CTDSPL: variants seen among roughly 807,000 people sequenced by gnomAD.
CTDSPL encodes the protein CTD small phosphatase-like protein.
In CTDSPL, 8 loss-of-function variants were observed where a neutral mutation model predicts 30.5. The observed-to-expected ratio is 0.26, with a 90% CI of 0.15 to 0.47. The LOEUF is 0.47. Ranked by LOEUF, CTDSPL falls within the 20% of genes least tolerant of loss-of-function variation. The pLI, the probability that CTDSPL is intolerant of heterozygous loss-of-function variation, is 0.99. For synonymous variants in CTDSPL, 110 were observed against 137.9 expected, an observed-to-expected ratio of 0.80 and a Z score of 1.42; for missense variants, 248 against 366.1, an observed-to-expected ratio of 0.68 and a Z score of 2.63.
chr3:37,890,194 G>A (rs1483780949), intron 1 of CTDSPL, among the ~76,000 whole-genome samples: 3 of 152,150 alleles, frequency 2.0e-5, no homozygotes, highest in Admixed American at 6.5e-5. Flanking sequence ...CAACGTATGC[G>A]CGCACACCCA....
intron 1 of CTDSPL, among the ~76,000 whole-genome samples, chr3:37,934,455 CATG>C (rs1280295916): frequency 6.6e-6 from 1 of 151,988 alleles, no homozygotes; most frequent in African/African-American, 2.4e-5. Flanking sequence ...CCATAATAAA[CATG>C]ATATAGATTG....
At position 37,947,065 on chromosome 3, in the gene CTDSPL, T is replaced by C. The variant is rs1260096581; in HGVS notation, c.88T>C (p.Cys30Arg). The C allele has an allele frequency of 1.1e-5, 17 of 1,613,372 alleles. No homozygotes were observed. Among genetic ancestry groups the C allele is most frequent in the Non-Finnish European group, 1.4e-5 (16 of 1,179,632 alleles). Residue 30 changes from cysteine to arginine, a missense_variant, in exon 2 of 8, where the codon TGC (cysteine) becomes CGC (arginine). Around this residue, in one of 4 missense-constraint regions of CTDSPL, gnomAD observed 118 missense variants for 124.7 expected, o/e 0.95. Coordinates refer to ENST00000273179, the MANE Select transcript of CTDSPL (RefSeq NM_001008392.2). Reference sequence around the variant, plus strand: ...TCTGTTTCTGTTTCCAGCCTCCCAGTGCAACGTCAGCTTAAAGAAGCAGAG... The same window carrying C: ...TCTGTTTCTGTTTCCAGCCTCCCAGCGCAACGTCAGCTTAAAGAAGCAGAG... ...LPGAGEKASQ[C>R]NVSLKKQRSR...
chr3:37,971,262 G>C (rs1191549889), intron 5 of CTDSPL, 145 bp from the exon 6 acceptor site: 3 of 692,760 alleles, frequency 4.3e-6, no homozygotes, highest in Non-Finnish European at 7.5e-6. Context: ...CCCTCATACA[G>C]TCTAGGCCTC....
chr3:37,884,267 A>C (rs1020043435), intron 1 of CTDSPL, among the ~76,000 whole-genome samples: 2 of 152,222 alleles, frequency 1.3e-5, no homozygotes, highest in Admixed American at 6.5e-5. Context: ...GGAAAAGTGC[A>C]AGGGACATAT....
chr3:37,868,015 A>G (rs1377362236), intron 1 of CTDSPL, among the ~76,000 whole-genome samples: 3 of 152,128 alleles, frequency 2.0e-5, no homozygotes. Flanking sequence ...GGTACATATG[A>G]TATTTTATAT....
At chr3:37,962,309 CAG>C (rs1049903126) in intron 3 of CTDSPL, among the ~76,000 whole-genome samples, 2 of 152,186 alleles carry the variant, frequency 1.3e-5, no homozygotes, top group African/African-American at 4.8e-5. Flanking sequence ...GCCAAGCTCT[CAG>C]GGAAGCTGTG....
chr3:37,924,204 T>C (rs1698754038), intron 1 of CTDSPL, among the ~76,000 whole-genome samples: 1 of 152,228 alleles, frequency 6.6e-6, no homozygotes, highest in Non-Finnish European at 1.5e-5. Context: ...TTATTCGGCC[T>C]AAAGAGAGAA....
At chr3:37,968,338 T>C (rs768254621) in intron 5 of CTDSPL, 2 of 419,072 alleles carry the variant, frequency 4.8e-6, no homozygotes, top group South Asian at 3.5e-5. Flanking sequence ...CTCCAGAGAA[T>C]CTTTAGCAAA....
chr3:37,934,325 C>CT (rs1369432379), intron 1 of CTDSPL, among the ~76,000 whole-genome samples: 1 of 149,240 alleles, frequency 6.7e-6, no homozygotes, highest in African/African-American at 2.5e-5. Flanking sequence ...GACCCTCTCT[C>CT]TTAAAAAAAA....
chr3:37,944,453 C>A (rs932073911), intron 1 of CTDSPL, among the ~76,000 whole-genome samples: 1 of 150,210 alleles, frequency 6.7e-6, no homozygotes, highest in African/African-American at 2.4e-5. Context: ...CAAGGACCTT[C>A]TGGATGATAG....
At chr3:37,974,297 T>A (rs944375373) in intron 6 of CTDSPL, among the ~76,000 whole-genome samples, 1 of 152,236 alleles carries the variant, frequency 6.6e-6, no homozygotes, top group Non-Finnish European at 1.5e-5. Flanking sequence ...CTACAGGATG[T>A]CCTTGGAGAG....
At chr3:37,900,738 G>C (rs997673048) in intron 1 of CTDSPL, among the ~76,000 whole-genome samples, 20 of 152,118 alleles carry the variant, frequency 1.3e-4, no homozygotes, top group Admixed American at 3.3e-4. Context: ...TGTTTTTTAA[G>C]GTACCATGAG....
chr3:37,980,319 G>A (rs1343951553), intron 7 of CTDSPL, among the ~76,000 whole-genome samples: 1 of 152,206 alleles, frequency 6.6e-6, no homozygotes, highest in Non-Finnish European at 1.5e-5. Context: ...AAGCCTTCCT[G>A]TGTCCTGGAT....
chr3:37,881,711 T>C (rs1698206381), intron 1 of CTDSPL, among the ~76,000 whole-genome samples: 1 of 152,060 alleles, frequency 6.6e-6, no homozygotes, highest in Non-Finnish European at 1.5e-5. Context: ...ATATAAAGTG[T>C]GAAAACGTGC....
chr3:37,960,987 A>G (rs1262418592), intron 3 of CTDSPL, among the ~76,000 whole-genome samples: 1 of 152,176 alleles, frequency 6.6e-6, no homozygotes, highest in Admixed American at 6.5e-5. Context: ...AGTTTTATAT[A>G]AGTAAATATT....
chr3:37,872,587 T>C (rs1469530193), intron 1 of CTDSPL, among the ~76,000 whole-genome samples: 2 of 141,794 alleles, frequency 1.4e-5, no homozygotes, highest in African/African-American at 5.2e-5. Context: ...TTTTTTTTTT[T>C]TTTTTTTGAG....
chr3:37,875,221 TC>T (rs991558713), intron 1 of CTDSPL, among the ~76,000 whole-genome samples: 1 of 152,192 alleles, frequency 6.6e-6, no homozygotes, highest in Non-Finnish European at 1.5e-5. Flanking sequence ...GGTGGTATAG[TC>T]CTCTGAAACC....
chr3:37,934,742 G>C (rs1362466978), intron 1 of CTDSPL, among the ~76,000 whole-genome samples: 2 of 152,254 alleles, frequency 1.3e-5, no homozygotes, highest in African/African-American at 4.8e-5. Flanking sequence ...TCCTGGGAAA[G>C]TGGCGCTCTT....
In CTDSPL at chr3:37,981,410, C is replaced by T. The variant is rs112149111; in HGVS notation, c.*543C>T. 3,463 of 168,858 alleles carry T rather than the reference C, an allele frequency of 0.021. 134 individuals carry two copies. The highest frequency in any genetic ancestry group is 0.078 in the African/African-American group (3,251 of 41,580). 10.5% of individuals were successfully genotyped at this position (168,858 alleles called of 1,614,324 possible). A position where few individuals can be genotyped will look rare whatever the true frequency, so the allele number is the denominator to read the frequency against. On this transcript the variant is annotated 3_prime_UTR_variant, in exon 8 of 8. Transcript: ENST00000273179. ...AACCTGGTAGCGTGTGTGTGTGTGG[C>T]GGGGGGTGCTGAGGGAGGGGAGTGA...
Sources: gnomAD v4.1 joint callset for allele counts (sites outside exome capture counted in the v4.1 genomes callset) on GRCh38, gnomAD v4.1.1 for gene constraint, gnomAD v4.1.1 regional missense constraint, MANE v1.5 for transcripts, NCBI Gene and HGNC (gene_info 2026-07-23, HGNC 2026-07-21) for gene names.